The following XKR9 variants were observed in gnomAD, a reference collection of about 807,000 sequenced individuals.
The protein encoded by XKR9 is XK-related protein 9.
XKR9 carries 32 observed loss-of-function variants against 32.0 expected under a neutral mutation model. The ratio of observed to expected loss-of-function variants is 1.00; its 90% confidence interval spans 0.76 to 1.34. The LOEUF is 1.34. Among genes scored for constraint, XKR9 ranks in the 40% most tolerant of loss-of-function variants. The probability of loss-of-function intolerance (pLI) is 0.00; values close to 1 mark genes in which losing one functional copy is unlikely to be tolerated. For missense variants in XKR9, 546 were observed against 429.7 expected (o/e 1.27, Z -2.39); for synonymous variants, 168 against 143.4 (o/e 1.17, Z -1.22).
chr8:70,751,086 G>A (rs904565635), intron 2 of XKR9, among the ~76,000 whole-genome samples: 1 of 152,092 alleles, frequency 6.6e-6, no homozygotes, highest in Non-Finnish European at 1.5e-5. Flanking sequence ...TAGCTTGCTG[G>A]CCCACCCTGC....
At chr8:70,944,387 C>A in the XKR9 span, among the ~76,000 whole-genome samples, 1 of 151,994 alleles carries the variant, frequency 6.6e-6, no homozygotes, top group Non-Finnish European at 1.5e-5. Context: ...ACGAAACAAA[C>A]AAAAGAAACA....
chr8:70,935,616 A>G, the XKR9 span, among the ~76,000 whole-genome samples: 1 of 152,034 alleles, frequency 6.6e-6, no homozygotes, highest in Non-Finnish European at 1.5e-5. Context: ...TAAGAGTTGG[A>G]TGAATTCTAA....
chr8:70,868,581 C>G, the XKR9 span, among the ~76,000 whole-genome samples: 17,395 of 151,924 alleles, frequency 0.11, 1,179 homozygotes, highest in African/African-American at 0.19. Flanking sequence ...GCACATAGCA[C>G]GAGGACCCTG....
the XKR9 span, among the ~76,000 whole-genome samples, chr8:71,028,147 CTTGGGTA>C: frequency 1.3e-5 from 2 of 152,142 alleles, no homozygotes; most frequent in African/African-American, 4.8e-5. Context: ...TGTAGATCAC[CTTGGGTA>C]GTATGGACAT....
chr8:70,864,411 T>C, the XKR9 span, among the ~76,000 whole-genome samples: 314 of 152,324 alleles, frequency 2.1e-3, 1 homozygote, highest in Middle Eastern at 0.01. Flanking sequence ...CATTGTATTA[T>C]AGAAAGCAGA....
At chr8:71,032,200 C>A in the XKR9 span, among the ~76,000 whole-genome samples, 7 of 142,588 alleles carry the variant, frequency 4.9e-5, no homozygotes, top group Non-Finnish European at 9.0e-5. Context: ...AGGAGAATTG[C>A]TTGAACCTGG....
the XKR9 span, among the ~76,000 whole-genome samples, chr8:70,916,294 T>A: frequency 6.6e-6 from 1 of 152,222 alleles, no homozygotes; most frequent in African/African-American, 2.4e-5. Flanking sequence ...CCTTTTCTTG[T>A]ATTAATTTAT....
chr8:70,749,553 C>A (rs1270351283), intron 2 of XKR9, among the ~76,000 whole-genome samples: 1 of 149,518 alleles, frequency 6.7e-6, no homozygotes. Context: ...GTGCCTGGAG[C>A]TGCCCCCATG....
chr8:70,846,104 C>G, the XKR9 span, among the ~76,000 whole-genome samples: 2 of 152,100 alleles, frequency 1.3e-5, no homozygotes, highest in Admixed American at 1.3e-4. Flanking sequence ...CAGTGGATTT[C>G]TGAGCAGAAA....
intron 2 of XKR9, among the ~76,000 whole-genome samples, chr8:70,770,100 C>CG (rs1807434001): frequency 6.6e-6 from 1 of 152,084 alleles, no homozygotes; most frequent in African/African-American, 2.4e-5. Flanking sequence ...CTCTTTAATG[C>CG]AGAGGACCTT....
intron 4 of XKR9, among the ~76,000 whole-genome samples, chr8:70,733,376 G>A (rs145895066): frequency 1.1e-3 from 162 of 151,890 alleles, no homozygotes; most frequent in African/African-American, 3.8e-3. Context: ...AGTGAATTGG[G>A]TGTATGCCTA....
intron 3 of XKR9, among the ~76,000 whole-genome samples, chr8:70,685,614 C>A (rs1819243374): frequency 6.7e-6 from 1 of 150,232 alleles, no homozygotes; most frequent in South Asian, 2.1e-4. Flanking sequence ...AATCATCATT[C>A]TCAGTAAACT....
chr8:71,004,411 G>C, the XKR9 span, among the ~76,000 whole-genome samples: 1 of 152,182 alleles, frequency 6.6e-6, no homozygotes, highest in Non-Finnish European at 1.5e-5. Flanking sequence ...ATGTGAGGCA[G>C]GGTTGGCTTG....
the XKR9 span, among the ~76,000 whole-genome samples, chr8:70,855,601 C>A: frequency 6.6e-6 from 1 of 152,198 alleles, no homozygotes; most frequent in East Asian, 1.9e-4. Flanking sequence ...GGCAGGCCAA[C>A]GTTCAGATTC....
chr8:70,752,092 C>G (rs1006231248), intron 2 of XKR9, among the ~76,000 whole-genome samples: 4 of 152,290 alleles, frequency 2.6e-5, no homozygotes, highest in South Asian at 2.1e-4. Context: ...TAATACAACT[C>G]TCACTCCTCC....
chr8:71,007,154 A>T, the XKR9 span, among the ~76,000 whole-genome samples: 6 of 152,178 alleles, frequency 3.9e-5, no homozygotes, highest in Non-Finnish European at 5.9e-5. Flanking sequence ...GTGGGATTAG[A>T]GGGTGGTGGA....
At chr8:70,814,758 AAAAG>A in the XKR9 span, among the ~76,000 whole-genome samples, 1 of 152,238 alleles carries the variant, frequency 6.6e-6, no homozygotes, top group African/African-American at 2.4e-5. Context: ...GCAATCTGGC[AAAAG>A]AAAGAAATAA....
chr8:70,716,967 G>A lies in XKR9; in HGVS notation c.493+9814G>A, dbSNP rs550514975. Among the ~76,000 whole-genome samples the A allele has an allele frequency of 6.0e-4, 91 of 152,328 alleles. 1 individual carries two copies. The highest frequency in any genetic ancestry group is 2.1e-3 in the African/African-American group (89 of 41,584). ...AATGGGAGAATTTGGCCAAAACAAA[G>A]GGGCAACAGGCCCCATGCAAGTCTG... On this transcript the variant is annotated intron_variant, in intron 4 of 4. Transcript: ENST00000408926.
chr8:70,875,741 T>C, the XKR9 span, among the ~76,000 whole-genome samples: 2 of 152,226 alleles, frequency 1.3e-5, no homozygotes, highest in African/African-American at 2.4e-5. Flanking sequence ...TTTCATTGTG[T>C]TGCTGACTAC....
Sources: allele counts gnomAD v4.1 joint callset (sites outside exome capture counted in the v4.1 genomes callset), GRCh38; gene constraint gnomAD v4.1.1; transcripts MANE v1.5; gene names NCBI Gene and HGNC (gene_info 2026-07-23, HGNC 2026-07-21).